RGL3: variants seen among roughly 807,000 people sequenced by gnomAD.
RGL3 encodes the protein ral guanine nucleotide dissociation stimulator like 3.
Under a neutral mutation model 90.6 loss-of-function variants are expected in RGL3, and 85 were observed. That is an observed-to-expected ratio of 0.94 (90% CI 0.79 to 1.12). RGL3 has a LOEUF of 1.12. RGL3 is among the 50% of genes most tolerant of loss of function. The pLI, the probability that RGL3 is intolerant of heterozygous loss-of-function variation, is 0.00. For synonymous variants in RGL3, 408 were observed against 385.5 expected (o/e 1.06, Z -0.68); for missense variants, 1,034 against 939.2 (o/e 1.10, Z -1.32).
At chr19:11,417,470 CTTTT>C (rs66697430) in intron 2 of RGL3, among the ~76,000 whole-genome samples, 1 of 114,528 alleles carries the variant, frequency 8.7e-6, no homozygotes, top group African/African-American at 3.5e-5. Flanking sequence ...CCTAGCACCA[CTTTT>C]TTTTTTTTTT....
rs565228237 is a variant in RGL3, at chr19:11,402,061, C to G, written c.1434G>C (p.Pro478=). ...RCQSYTLSPH[P]PILAALHAQN... is the part of the protein sequence containing the mutation. ...GGGCATGCAGGGCAGCCAGGATGGG[C>G]GGGTGGGGGCTCAGGGTGTAGCTCT... Residue 478 remains proline, a synonymous_variant, in exon 13 of 19, where the codon CCG becomes CCC. Coordinates refer to ENST00000380456, the MANE Select transcript of RGL3 (RefSeq NM_001035223.4). 1 of 1,572,472 alleles carries G rather than the reference C, an allele frequency of 6.4e-7. No homozygotes were observed. The highest frequency in any genetic ancestry group is 8.6e-7 in the Non-Finnish European group (1 of 1,159,218).
chr19:11,395,221 C>T (rs1175625113), intron 18 of RGL3, among the ~76,000 whole-genome samples: 3 of 152,078 alleles, frequency 2.0e-5, no homozygotes, highest in African/African-American at 7.2e-5. Flanking sequence ...ACAACCACTC[C>T]CAGCCAATCC....
intron 5 of RGL3, among the ~76,000 whole-genome samples, chr19:11,414,134 CATATATAT>C (rs56098998): frequency 0.03 from 907 of 30,400 alleles, 20 homozygotes; most frequent in African/African-American, 0.063. Flanking sequence ...CTGGAGAAAT[CATATATAT>C]ATATATATAT....
intron 16 of RGL3, 45 bp from the exon 17 acceptor site, chr19:11,397,642 G>T: frequency 6.8e-7 from 1 of 1,474,752 alleles, no homozygotes; most frequent in Non-Finnish European, 9.0e-7. Context: ...CCCATCTGCA[G>T]ATGCTGAGGG....
chr19:11,408,169 G>T (rs1286850715), intron 5 of RGL3, among the ~76,000 whole-genome samples: 2 of 152,100 alleles, frequency 1.3e-5, no homozygotes, highest in African/African-American at 4.8e-5. Flanking sequence ...GTCTCATTAT[G>T]TTGCCAGGCT....
intron 1 of RGL3, chr19:11,419,017 C>T (rs1969057611): frequency 1.6e-6 from 1 of 644,882 alleles, no homozygotes; most frequent in East Asian, 2.8e-5. Context: ...AGGGCCCAGT[C>T]TAATAGAACC....
At chr19:11,401,882 T>G in intron 13 of RGL3, 129 bp downstream of exon 13, 4 of 1,187,774 alleles carry the variant, frequency 3.4e-6, no homozygotes, top group Non-Finnish European at 4.6e-6. Context: ...AGGTCACAGG[T>G]TGTAGTGGGG....
chr19:11,414,153 A>ATATATATATATATATATATACACACC (rs1968921629), intron 5 of RGL3, among the ~76,000 whole-genome samples: 3 of 85,026 alleles, frequency 3.5e-5, no homozygotes, highest in Non-Finnish European at 6.8e-5. Context: ...ATATATATAT[A>ATATATATATATATATATATACACACC]TATATATATA....
chr19:11,397,986 G>A (rs416871), intron 16 of RGL3, among the ~76,000 whole-genome samples: 23,375 of 151,722 alleles, frequency 0.15, 2,915 homozygotes, highest in African/African-American at 0.35. Context: ...TCCAGCCTGC[G>A]TGACAGAGCA....
chr19:11,416,199 A>T, intron 4 of RGL3, 51 bp from the exon 5 acceptor site: 2 of 1,251,862 alleles, frequency 1.6e-6, no homozygotes, highest in Non-Finnish European at 2.2e-6. Flanking sequence ...GGGGACATAG[A>T]ATATGACTCC....
At chr19:11,414,114 T>C (rs1202024494) in intron 5 of RGL3, among the ~76,000 whole-genome samples, 1 of 123,904 alleles carries the variant, frequency 8.1e-6, no homozygotes, top group Admixed American at 9.1e-5. Flanking sequence ...CTCTAATGAC[T>C]TGGAATCAGC....
At chr19:11,394,890 G>A (rs1319139020) in intron 18 of RGL3, among the ~76,000 whole-genome samples, 1 of 151,962 alleles carries the variant, frequency 6.6e-6, no homozygotes, top group Non-Finnish European at 1.5e-5. Flanking sequence ...AGGAATTCGA[G>A]ACCAGTCTGG....
Position 11,416,406 on chromosome 19 carries a change from C to T in RGL3, c.425+208G>A, listed in dbSNP as rs928928142. 7 of 641,308 alleles carry T rather than the reference C, an allele frequency of 1.1e-5. No homozygotes were observed. In the Admixed American group the frequency reaches 1.6e-4, roughly 15 times the overall value. The allele number at this position is 641,308 out of a possible 1,614,324, so 39.7% of individuals were successfully genotyped here. A position where few individuals can be genotyped will look rare whatever the true frequency, so the allele number is the denominator to read the frequency against. On this transcript the variant is annotated intron_variant, in intron 4 of 18. Coordinates refer to ENST00000380456, the MANE Select transcript of RGL3 (RefSeq NM_001035223.4). The stretch of plus-strand genomic sequence containing the variant: ...TAGAGACAGGGTTTCGCCATATTGG[C>T]CAGGATGGTCTCTAACTCCTGACCT...
At chr19:11,397,623 A>G (rs575778869) in intron 16 of RGL3, 26 bp from the exon 17 acceptor site, 1 of 1,509,918 alleles carries the variant, frequency 6.6e-7, no homozygotes, top group African/African-American at 1.4e-5. Context: ...GGTGGAGGCT[A>G]CAGCTTGGCC....
chr19:11,396,933 G>T (rs1310064201), intron 18 of RGL3, among the ~76,000 whole-genome samples: 2 of 152,102 alleles, frequency 1.3e-5, no homozygotes, highest in Non-Finnish European at 2.9e-5. Flanking sequence ...CTCCCAAAGT[G>T]CTGGGATTAC....
At chr19:11,417,163 T>G in intron 2 of RGL3, 104 bp from the exon 3 acceptor site, 2 of 936,888 alleles carry the variant, frequency 2.1e-6, no homozygotes, top group Non-Finnish European at 3.1e-6. Context: ...TTTTTGTTTT[T>G]TTTTTTGAGA....
chr19:11,406,948 G>A, intron 5 of RGL3, 84 bp from the exon 6 acceptor site: 1 of 1,347,324 alleles, frequency 7.4e-7, no homozygotes, highest in Non-Finnish European at 1.0e-6. Flanking sequence ...GTCCCTCTCT[G>A]AGGCTCACTT....
intron 2 of RGL3, among the ~76,000 whole-genome samples, chr19:11,417,390 T>C (rs1184707198): frequency 1.3e-5 from 2 of 151,186 alleles, no homozygotes; most frequent in African/African-American, 4.9e-5. Context: ...CCTCAAGTAA[T>C]CTGCCCCCCT....
rs779615756 is a variant in RGL3, at chr19:11,402,148, C to T, written c.1363-16G>A. The T allele has an allele frequency of 3.1e-6, 5 of 1,611,890 alleles. No individual in the cohort carries two copies. In the East Asian group the frequency reaches 8.9e-5, roughly 29 times the overall value. ...TCTCCCACTCCTGGAGGACGAGCCT[C>T]TAAGACCCTACCCCTGCCCCACCCC... On this transcript the variant is annotated splice_polypyrimidine_tract_variant and intron_variant, in intron 12 of 18. Transcript: ENST00000380456.
Sources: gnomAD v4.1 joint callset for allele counts (sites outside exome capture counted in the v4.1 genomes callset) on GRCh38, gnomAD v4.1.1 for gene constraint, MANE v1.5 for transcripts, NCBI Gene and HGNC (gene_info 2026-07-23, HGNC 2026-07-21) for gene names.